The following OPHN1 variants were observed in gnomAD, a reference collection of about 807,000 sequenced individuals.
OPHN1 encodes oligophrenin-1.
A neutral mutation model predicts 60.7 loss-of-function variants in OPHN1; 11 were observed. That is an observed-to-expected ratio of 0.18 (90% CI 0.11 to 0.30). The LOEUF (loss-of-function observed/expected upper bound fraction) is 0.30, where lower values mean the gene tolerates loss of function less well. OPHN1 is among the 10% of genes least tolerant of loss of function. The probability of loss-of-function intolerance (pLI) is 1.00; values close to 1 mark genes in which losing one functional copy is unlikely to be tolerated. For missense variants in OPHN1, 449 were observed against 611.0 expected, an observed-to-expected ratio of 0.73 and a Z score of 2.80; for synonymous variants, 226 against 222.6, an observed-to-expected ratio of 1.02 and a Z score of -0.14.
At chrX:68,092,744 T>C (rs914903757) in intron 19 of OPHN1, among the ~76,000 whole-genome samples, 8 of 111,662 alleles carry the variant, frequency 7.2e-5, no homozygotes, top group Non-Finnish European at 1.1e-4. Context: ...ATCACACTTT[T>C]ATGAACTAGA....
chrX:68,314,092 T>C (rs1381603936), intron 2 of OPHN1, among the ~76,000 whole-genome samples: 1 of 112,127 alleles, frequency 8.9e-6, no homozygotes, highest in African/African-American at 3.2e-5. Context: ...TATAAACAAT[T>C]GCATGCCAAC....
intron 15 of OPHN1, among the ~76,000 whole-genome samples, chrX:68,182,685 C>T (rs1040835293): frequency 2.7e-5 from 3 of 111,538 alleles, no homozygotes; most frequent in South Asian, 3.8e-4. Flanking sequence ...CCAAGATGGG[C>T]GGATCACTTG....
intron 2 of OPHN1, among the ~76,000 whole-genome samples, chrX:68,307,379 G>A (rs1232985900): frequency 2.8e-5 from 3 of 108,637 alleles, no homozygotes; most frequent in Admixed American, 9.9e-5. Flanking sequence ...GCTTGAGCCC[G>A]GGAGGCAGAG....
At chrX:68,282,815 A>AT (rs1438844293) in intron 4 of OPHN1, among the ~76,000 whole-genome samples, 1 of 111,875 alleles carries the variant, frequency 8.9e-6, no homozygotes, top group Admixed American at 9.5e-5. Flanking sequence ...CACTGAAATT[A>AT]TTTTTCACTG....
At chrX:68,287,027 A>C (rs1459527441) in intron 3 of OPHN1, among the ~76,000 whole-genome samples, 9 of 105,580 alleles carry the variant, frequency 8.5e-5, no homozygotes, top group Non-Finnish European at 7.8e-5. Flanking sequence ...AGAAAGAAGG[A>C]AGGAAGGCAG....
At chrX:68,360,877 A>C (rs933811421) in intron 2 of OPHN1, among the ~76,000 whole-genome samples, 6 of 112,033 alleles carry the variant, frequency 5.4e-5, no homozygotes, top group Non-Finnish European at 9.4e-5. Context: ...CAATGTATTC[A>C]GTGATGACAG....
At chrX:68,254,120 A>C (rs1221641228) in intron 5 of OPHN1, among the ~76,000 whole-genome samples, 2 of 111,444 alleles carry the variant, frequency 1.8e-5, no homozygotes, top group Non-Finnish European at 3.8e-5. Flanking sequence ...CTTCAGGGGT[A>C]GGTGTGCATA....
At chrX:68,118,430 C>T (rs1874461578) in intron 16 of OPHN1, among the ~76,000 whole-genome samples, 1 of 111,731 alleles carries the variant, frequency 9.0e-6, no homozygotes, top group Admixed American at 9.5e-5. Flanking sequence ...GATGATGCTA[C>T]AGTAGCAAAA....
chrX:68,233,079 C>A (rs1396760333), intron 6 of OPHN1, among the ~76,000 whole-genome samples: 10 of 110,880 alleles, frequency 9.0e-5, no homozygotes, highest in Non-Finnish European at 1.5e-4. Context: ...CAGACATGTG[C>A]CACTATGCCC....
intron 15 of OPHN1, among the ~76,000 whole-genome samples, chrX:68,156,964 G>A (rs1441557182): frequency 9.0e-6 from 1 of 111,342 alleles, no homozygotes; most frequent in African/African-American, 3.3e-5. Flanking sequence ...TAAAAATGAT[G>A]ACAATACCAG....
chrX:68,257,188 C>T (rs1471545766), intron 5 of OPHN1, among the ~76,000 whole-genome samples: 1 of 112,356 alleles, frequency 8.9e-6, no homozygotes, highest in African/African-American at 3.2e-5. Context: ...TTACAATGGT[C>T]TGGAACTGAA....
intron 4 of OPHN1, among the ~76,000 whole-genome samples, chrX:68,275,545 A>G (rs1022990112): frequency 3.6e-5 from 4 of 111,371 alleles, no homozygotes; most frequent in Non-Finnish European, 7.5e-5. Flanking sequence ...CTCCATGGTG[A>G]GAGTTAGAAT....
At chrX:68,348,023 G>GACCTCAGTAAGA (rs1229109185) in intron 2 of OPHN1, among the ~76,000 whole-genome samples, 15 of 111,842 alleles carry the variant, frequency 1.3e-4, no homozygotes, top group African/African-American at 1.6e-4. Context: ...CCAGCTATAA[G>GACCTCAGTAAGA]ACCTCAGTAA....
chrX:68,214,571 G>A (rs1193674216), intron 6 of OPHN1, among the ~76,000 whole-genome samples: 2 of 112,169 alleles, frequency 1.8e-5, no homozygotes. Flanking sequence ...GTTTCACTCA[G>A]TTCCTTTCAT....
chrX:68,233,048 TCTC>T (rs2077736203), intron 6 of OPHN1, among the ~76,000 whole-genome samples: 1 of 109,793 alleles, frequency 9.1e-6, no homozygotes, highest in Admixed American at 9.8e-5. Context: ...TCTTCCTCAG[TCTC>T]CTAAGTAATT....
At chrX:68,182,786 C>T (rs1479260783) in intron 15 of OPHN1, among the ~76,000 whole-genome samples, 1 of 111,492 alleles carries the variant, frequency 9.0e-6, no homozygotes, top group Non-Finnish European at 1.9e-5. Flanking sequence ...GTGGCGGGTG[C>T]CTGTAGTCCC....
chrX:68,347,430 A>G (rs922792830), intron 2 of OPHN1, among the ~76,000 whole-genome samples: 1 of 110,956 alleles, frequency 9.0e-6, no homozygotes, highest in African/African-American at 3.3e-5. Flanking sequence ...CTATCCTCCA[A>G]TCTCAGCCTC....
intron 11 of OPHN1, among the ~76,000 whole-genome samples, chrX:68,199,158 A>G (rs916755619): frequency 4.5e-5 from 5 of 111,723 alleles, no homozygotes; most frequent in Non-Finnish European, 9.4e-5. Context: ...TTATTAAAAC[A>G]TTTCAAGCTC....
chrX:68,312,478 A>G (rs184042545), intron 2 of OPHN1, among the ~76,000 whole-genome samples: 1 of 110,374 alleles, frequency 9.1e-6, no homozygotes, highest in Non-Finnish European at 1.9e-5. Flanking sequence ...AAATGAAACC[A>G]AAAACACAAC....
Sources: gnomAD v4.1 joint callset for allele counts (sites outside exome capture counted in the v4.1 genomes callset) on GRCh38, gnomAD v4.1.1 for gene constraint, MANE v1.5 for transcripts, NCBI Gene and HGNC (gene_info 2026-07-23, HGNC 2026-07-21) for gene names.